The following CR1 variants were observed in gnomAD, a reference collection of about 807,000 sequenced individuals.
The protein encoded by CR1 is complement C3b/C4b receptor 1 (Knops blood group), also known as complement receptor type 1.
In CR1, 116 loss-of-function variants were observed where a neutral mutation model predicts 187.3. The observed-to-expected ratio is 0.62, with a 90% CI of 0.53 to 0.72. The LOEUF (loss-of-function observed/expected upper bound fraction) is 0.72. Among genes scored for constraint, CR1 ranks in the 30% least tolerant of loss-of-function variants. CR1 has a pLI of 0.00. For synonymous variants in CR1, 576 were observed against 747.1 expected (o/e 0.77, Z 3.73); for missense variants, 1,731 against 2,110.7 (o/e 0.82, Z 3.52).
At chr1:207,615,114 T>C (rs1355664631) in intron 40 of CR1, among the ~76,000 whole-genome samples, 2 of 152,154 alleles carry the variant, frequency 1.3e-5, no homozygotes, top group Admixed American at 6.5e-5. Context: ...CAGCCAAATT[T>C]TTATGTTCTT....
At chr1:207,610,364 G>C (rs567318925) in intron 37 of CR1, among the ~76,000 whole-genome samples, 2 of 151,996 alleles carry the variant, frequency 1.3e-5, no homozygotes, top group Non-Finnish European at 2.9e-5. Flanking sequence ...AGAAGGTCTC[G>C]CTCTGTTGCC....
rs753917143 is a variant in CR1 at position 207,584,675 on chromosome 1, A to C, written c.5329A>C (p.Ile1777Leu). Residue 1777 changes from isoleucine to leucine, a missense_variant, in exon 33 of 47, where the codon ATC (isoleucine) becomes CTC (leucine). Around this residue, in one of 5 missense-constraint regions of CR1, gnomAD observed 1,312 missense variants for 1,379.6 expected, o/e 0.95. Transcript: ENST00000367049. ...TATCTTTTGTCCAAATCCTCCAGCT[A>C]TCCTTAATGGGAGACACACAGGAAC... The part of the protein sequence containing the change: ...EHIFCPNPPA[I>L]LNGRHTGTPS... 3.1e-6 allele frequency: 5 copies of C among 1,613,660 alleles called. No individual in the cohort carries two copies. The highest frequency in any genetic ancestry group is 4.2e-6 in the Non-Finnish European group (5 of 1,179,634).
At chr1:207,629,328 C>G (rs906983461) in intron 45 of CR1, among the ~76,000 whole-genome samples, 1 of 152,146 alleles carries the variant, frequency 6.6e-6, no homozygotes, top group African/African-American at 2.4e-5. Flanking sequence ...AGTAACTAAC[C>G]AAATAGCTCT....
chr1:207,506,856 T>C (rs756779746), intron 3 of CR1, 43 bp downstream of exon 3: 2 of 1,493,840 alleles, frequency 1.3e-6, no homozygotes, highest in Admixed American at 1.7e-5. Flanking sequence ...GGTTCAAGAG[T>C]TCTAACACAG....
chr1:207,511,479 C>A, intron 3 of CR1, 90 bp from the exon 4 acceptor site: 1 of 1,324,322 alleles, frequency 7.6e-7, no homozygotes. Flanking sequence ...CCTCTGAATC[C>A]TATAAGAGTG....
intron 41 of CR1, among the ~76,000 whole-genome samples, chr1:207,617,594 TATATATATATATATATATAGAG>T (rs1429674652): frequency 4.1e-4 from 17 of 41,516 alleles, no homozygotes; most frequent in East Asian, 1.7e-3. Flanking sequence ...TATATATATA[TATATATATATATATATATAGAG>T]AGAGAGAGAG....
intron 27 of CR1, among the ~76,000 whole-genome samples, chr1:207,572,980 GC>G (rs1660624383): frequency 6.6e-6 from 1 of 152,100 alleles, no homozygotes; most frequent in Admixed American, 6.6e-5. Flanking sequence ...CTGGATTAGG[GC>G]CTACTTTCAT....
At chr1:207,521,709 T>C (rs752042332) in intron 4 of CR1, among the ~76,000 whole-genome samples, 4 of 139,488 alleles carry the variant, frequency 2.9e-5, no homozygotes, top group Non-Finnish European at 6.1e-5. Flanking sequence ...CATAGCTCAC[T>C]GCAGCCTCAA....
chr1:207,619,955 G>A lies in CR1; in HGVS notation c.7142G>A (p.Gly2381Glu). Residue 2381 changes from glycine to glutamate, a missense_variant, in exon 43 of 47, where the codon GGA becomes GAA. Around this residue, in one of 5 missense-constraint regions of CR1, gnomAD observed 1,312 missense variants for 1,379.6 expected, o/e 0.95. Transcript: ENST00000367049. ...GAAATGAAAAAAGTATATCACTATG[G>A]AGATTATGTGACTTTGAAGTGTGAA... The part of the protein sequence containing the change: ...ELEMKKVYHY[G>E]DYVTLKCEDG... 1 of 1,612,594 alleles carries A rather than the reference G, an allele frequency of 6.2e-7. No individual in the cohort carries two copies. The highest frequency in any genetic ancestry group is 8.5e-7 in the Non-Finnish European group (1 of 1,179,246).
intron 46 of CR1, among the ~76,000 whole-genome samples, chr1:207,631,771 T>C (rs1292336361): frequency 2.0e-5 from 3 of 152,188 alleles, no homozygotes; most frequent in East Asian, 3.8e-4. Context: ...GTCCTACCCA[T>C]AGGTGTTTGG....
At chr1:207,584,066 T>C (rs748186711) in intron 32 of CR1, among the ~76,000 whole-genome samples, 1 of 152,190 alleles carries the variant, frequency 6.6e-6, no homozygotes, top group Non-Finnish European at 1.5e-5. Context: ...CTTGAGCCTT[T>C]TGAAACACAT....
rs553608230 is a variant in CR1 at position 207,622,877 on chromosome 1, C to T, written c.7277-116C>T. ...CAGAGTAAAGCAGAATGTATAGTTA[C>T]ATCTTTAAAAAAAAAAAAGCATTGG... On this transcript the variant is annotated intron_variant, in intron 44 of 46. Coordinates refer to ENST00000367049, the MANE Select transcript of CR1 (RefSeq NM_000651.6). 10 of 688,096 alleles carry T rather than the reference C, an allele frequency of 1.5e-5. No individual in the cohort carries two copies. In the South Asian group the frequency reaches 1.7e-4, roughly 12 times the overall value. 42.6% of individuals were successfully genotyped at this position (688,096 alleles called of 1,614,324 possible).
intron 4 of CR1, among the ~76,000 whole-genome samples, chr1:207,515,707 C>T (rs1488003028): frequency 6.6e-6 from 1 of 152,064 alleles, no homozygotes; most frequent in Admixed American, 6.6e-5. Flanking sequence ...CTATTCCAAA[C>T]TTTTGCCTAT....
Position 207,544,799 on chromosome 1 carries a change from GAGA to G in CR1, c.2237-505_2237-503del, listed in dbSNP as rs1200732026. Among the ~76,000 whole-genome samples the G allele has an allele frequency of 2.1e-5, 3 of 142,436 alleles. 1 individual carries two copies. Among genetic ancestry groups the G allele is most frequent in the Admixed American group, 2.1e-4 (3 of 14,464 alleles). The allele number at this position is 142,436 out of a possible 152,430, so 93.4% of individuals were successfully genotyped here. A position where few individuals can be genotyped will look rare whatever the true frequency, so the allele number is the denominator to read the frequency against. On this transcript the variant is annotated intron_variant, in intron 13 of 46. Transcript: ENST00000367049. ...CCACCCTATGTCAGGTGGCCGCTGAGAGAAGACTTGAAAGGAGATGAGCATAGA... is the reference window on the plus strand; with the variant it reads ...CCACCCTATGTCAGGTGGCCGCTGAGAGACTTGAAAGGAGATGAGCATAGA...
At position 207,510,341 on chromosome 1, in the gene CR1, C is replaced by G. The variant is rs535402205; in HGVS notation, c.402-1228C>G. ...TTCAAAAGCACCCACTGTTCTCTCA[C>G]TATTTATTTGATCTTCATTTGTCAC... On this transcript the variant is annotated intron_variant, in intron 3 of 46. Transcript: ENST00000367049. Among the ~76,000 whole-genome samples the G allele has an allele frequency of 3.6e-4, 55 of 152,326 alleles. 1 individual carries two copies. In the South Asian group the frequency reaches 0.011, roughly 31 times the overall value.
intron 23 of CR1, among the ~76,000 whole-genome samples, chr1:207,565,403 C>A (rs1660463698): frequency 6.6e-6 from 1 of 150,398 alleles, no homozygotes; most frequent in African/African-American, 2.5e-5. Flanking sequence ...AATCTCTGTT[C>A]TCTCGCCAGC....
At chr1:207,603,528 A>G (rs1036081964) in intron 35 of CR1, among the ~76,000 whole-genome samples, 10 of 152,114 alleles carry the variant, frequency 6.6e-5, no homozygotes, top group Non-Finnish European at 1.2e-4. Context: ...CTTTTTCTCC[A>G]AGTAGTTTCT....
At position 207,509,052 on chromosome 1, in the gene CR1, A is replaced by T. The variant is rs1171755978; in HGVS notation, c.401+2239A>T. Among the ~76,000 whole-genome samples the T allele has an allele frequency of 2.6e-5, 4 of 152,350 alleles. No homozygotes were observed. The East Asian group carries it at 7.7e-4, about 29-fold the overall frequency. On this transcript the variant is annotated intron_variant, in intron 3 of 46. Transcript: ENST00000367049. Reference sequence around the variant, plus strand: ...TATATTTTCTGAATCTCATTATTTAAGGTTGAAAATGTGCTAACCTAAATA... The same window carrying T: ...TATATTTTCTGAATCTCATTATTTATGGTTGAAAATGTGCTAACCTAAATA...
chr1:207,575,651 A>G lies in CR1; in HGVS notation c.4508A>G (p.His1503Arg), dbSNP rs1337602180. Residue 1503 changes from histidine to arginine, a missense_variant, in exon 28 of 47, where the codon CAT (histidine) becomes CGT (arginine). By Grantham distance (29) the His-to-Arg change is conservative. Around this residue, in one of 5 missense-constraint regions of CR1, gnomAD observed 1,312 missense variants for 1,379.6 expected, o/e 0.95. Coordinates refer to ENST00000367049, the MANE Select transcript of CR1 (RefSeq NM_000651.6). ...AECILSGNTAHWSTKPPICQR... is the reference protein window; with the variant it reads ...AECILSGNTARWSTKPPICQR... The stretch of plus-strand genomic sequence containing the variant: ...TGTATCCTCTCAGGCAATACTGCCC[A>G]TTGGAGCACGAAGCCGCCAATTTGT... 10 of 1,611,710 alleles carry G rather than the reference A, an allele frequency of 6.2e-6. No homozygotes were observed. The highest frequency in any genetic ancestry group is 2.2e-4 in the Middle Eastern group (1 of 4,452).
Sources: allele counts gnomAD v4.1 joint callset (sites outside exome capture counted in the v4.1 genomes callset), GRCh38; gene constraint gnomAD v4.1.1; regional missense constraint gnomAD v4.1.1; transcripts MANE v1.5; gene names NCBI Gene and HGNC (gene_info 2026-07-23, HGNC 2026-07-21).